Variants in ANKFN1 observed in about 807,000 individuals in gnomAD.
ANKFN1 encodes ankyrin repeat and fibronectin type III domain containing 1.
In ANKFN1, 74 loss-of-function variants were observed where a neutral mutation model predicts 108.7. That is an observed-to-expected ratio of 0.68 (90% CI 0.56 to 0.83). The LOEUF is 0.83. Ranked by LOEUF, ANKFN1 falls within the 40% of genes least tolerant of loss-of-function variation. The pLI is 0.00. For missense variants in ANKFN1, 1,505 were observed against 1,382.3 expected, an observed-to-expected ratio of 1.09 and a Z score of -1.41; for synonymous variants, 547 against 516.2, an observed-to-expected ratio of 1.06 and a Z score of -0.81.
At position 56,046,814 on chromosome 17, in the gene ANKFN1, T is replaced by A. The variant is rs567519808; in HGVS notation, c.288+489T>A. The stretch of plus-strand genomic sequence containing the variant: ...CTGTAATAAACAGCACCAAATCCAA[T>A]ATGATTTAACCTCTCAGTTGTCAAT... On this transcript the variant is annotated intron_variant, in intron 4 of 12. Coordinates refer to the ANKFN1 transcript ENST00000635860. Among the ~76,000 whole-genome samples, 31 of 152,268 alleles carry A rather than the reference T, an allele frequency of 2.0e-4. 1 individual carries two copies. In the Middle Eastern group the frequency reaches 0.017, roughly 84 times the overall value.
At chr17:56,481,489 A>AACACAAACAC (rs2050699360) in intron 17 of ANKFN1, among the ~76,000 whole-genome samples, 1 of 148,954 alleles carries the variant, frequency 6.7e-6, no homozygotes, top group Admixed American at 6.7e-5. Context: ...CCCTCCCCAA[A>AACACAAACAC]ACACACACAC....
rs1048624145 is a variant in ANKFN1 at position 56,499,212 on chromosome 17, G to C, written c.2644+114G>C. 13 of 994,934 alleles carry C rather than the reference G, an allele frequency of 1.3e-5. 1 individual carries two copies. The Admixed American group carries it at 2.4e-4, about 18-fold the overall frequency. 61.6% of individuals were successfully genotyped at this position (994,934 alleles called of 1,614,324 possible). A position where few individuals can be genotyped will look rare whatever the true frequency, so the allele number is the denominator to read the frequency against. On this transcript the variant is annotated intron_variant, in intron 20 of 20. Coordinates refer to ENST00000682825, the MANE Select transcript of ANKFN1 (RefSeq NM_001370326.1). ...GTTCCAGAAAGTGGATGAAAACACT[G>C]CTCAGGGGTAAGAGTCTAACAGCAT...
chr17:56,400,082 T>A (rs1300871578), intron 8 of ANKFN1, among the ~76,000 whole-genome samples: 1 of 151,934 alleles, frequency 6.6e-6, no homozygotes, highest in African/African-American at 2.4e-5. Flanking sequence ...ATGACTTCTT[T>A]TCCTCTGGGT....
intron 8 of ANKFN1, among the ~76,000 whole-genome samples, chr17:56,407,929 A>ATT (rs2047969570): frequency 1.7e-5 from 2 of 120,058 alleles, no homozygotes; most frequent in Admixed American, 9.7e-5. Context: ...AATCTTTTTT[A>ATT]TCTTTTTTTT....
intron 15 of ANKFN1, chr17:56,472,731 A>C (rs2145326051): frequency 6.6e-6 from 1 of 152,364 alleles, no homozygotes; most frequent in Non-Finnish European, 1.5e-5. Context: ...GCCTGATAGC[A>C]GTACAAACAG....
chr17:56,401,928 T>C (rs1170351239), intron 8 of ANKFN1, among the ~76,000 whole-genome samples: 1 of 152,176 alleles, frequency 6.6e-6, no homozygotes, highest in Admixed American at 6.5e-5. Context: ...GTTGAATGTT[T>C]TTTCTGCATC....
At chr17:56,493,274 CAAAT>C (rs978889477) in intron 19 of ANKFN1, among the ~76,000 whole-genome samples, 1 of 151,744 alleles carries the variant, frequency 6.6e-6, no homozygotes, top group Non-Finnish European at 1.5e-5. Context: ...AACAAACAAA[CAAAT>C]AAGTTTTGTG....
At position 56,466,195 on chromosome 17, in the gene ANKFN1, A is replaced by G. The variant is rs189001581; in HGVS notation, c.1558-161A>G. 2.6e-4 allele frequency among the ~76,000 whole-genome samples: 39 copies of G among 152,074 alleles called. No homozygotes were observed. In the East Asian group the frequency reaches 7.2e-3, roughly 28 times the overall value. ...AGACCTTTGAGCTTCTGTGAAGTAC[A>G]TGTCTATGATGCCATATATTCTAGG... On this transcript the variant is annotated intron_variant, in intron 14 of 20. Coordinates refer to ENST00000682825, the MANE Select transcript of ANKFN1 (RefSeq NM_001370326.1).
At chr17:56,255,312 T>C (rs1315540092) in intron 3 of ANKFN1, among the ~76,000 whole-genome samples, 2 of 152,170 alleles carry the variant, frequency 1.3e-5, no homozygotes, top group African/African-American at 4.8e-5. Context: ...TCTCAGCTTT[T>C]CTCAGATTCC....
At chr17:56,299,218 G>A (rs908067523) in intron 3 of ANKFN1, among the ~76,000 whole-genome samples, 1 of 152,104 alleles carries the variant, frequency 6.6e-6, no homozygotes, top group Admixed American at 6.5e-5. Context: ...TTGTTGTGGT[G>A]GCTGATAGTA....
chr17:56,378,464 T>G (rs2047001287), intron 8 of ANKFN1, among the ~76,000 whole-genome samples: 2 of 152,162 alleles, frequency 1.3e-5, no homozygotes. Flanking sequence ...TCCTACACCT[T>G]GTAGTTGGGT....
intron 9 of ANKFN1, among the ~76,000 whole-genome samples, chr17:56,442,441 T>C (rs1476024157): frequency 6.6e-6 from 1 of 152,206 alleles, no homozygotes; most frequent in African/African-American, 2.4e-5. Flanking sequence ...GTGACAGCTA[T>C]TACCTATAGG....
intron 4 of ANKFN1, among the ~76,000 whole-genome samples, chr17:56,082,336 G>C (rs1905257305): frequency 6.6e-6 from 1 of 151,534 alleles, no homozygotes; most frequent in Non-Finnish European, 1.5e-5. Flanking sequence ...GCTTCTCCAA[G>C]TTTTGTCTGG....
At chr17:56,366,201 T>C (rs1283848449) in intron 6 of ANKFN1, among the ~76,000 whole-genome samples, 4 of 152,178 alleles carry the variant, frequency 2.6e-5, no homozygotes, top group Non-Finnish European at 4.4e-5. Flanking sequence ...AGGATAAGGA[T>C]ATAAAGAAAA....
intron 3 of ANKFN1, among the ~76,000 whole-genome samples, chr17:56,266,372 A>G (rs1416580705): frequency 6.6e-6 from 1 of 151,968 alleles, no homozygotes; most frequent in Non-Finnish European, 1.5e-5. Flanking sequence ...CTGCCCGTCC[A>G]TCTCCCTCCC....
intron 3 of ANKFN1, among the ~76,000 whole-genome samples, chr17:56,276,262 A>C (rs1378691817): frequency 6.6e-6 from 1 of 152,136 alleles, no homozygotes. Flanking sequence ...TTTATCATTG[A>C]TGGATATTTG....
Position 56,442,929 on chromosome 17 carries a change from T to C in ANKFN1, c.1095T>C (p.Pro365=). The change falls in exon 10 of 21, where the codon CCT becomes CCC. Residue 365 remains proline (P), a synonymous_variant. Coordinates refer to ENST00000682825, the MANE Select transcript of ANKFN1 (RefSeq NM_001370326.1). ...CCACGACACCGGCATGTGCCTCTCC[T>C]TCTAGTAGGTGGTGGCTGTGAACTC... The part of the protein sequence containing the change: ...AQTTTPACAS[P]SNWKDYDDRE... The C allele has an allele frequency of 6.2e-7, 1 of 1,613,554 alleles. No homozygotes were observed. The highest frequency in any genetic ancestry group is 1.1e-5 in the South Asian group (1 of 91,030).
intron 9 of ANKFN1, among the ~76,000 whole-genome samples, chr17:56,441,336 C>T (rs181421833): frequency 2.0e-5 from 3 of 151,884 alleles, no homozygotes; most frequent in Admixed American, 2.0e-4. Context: ...AAAGTATAAT[C>T]CTAAAGCCCA....
At chr17:56,480,863 G>A (rs2145367132) in intron 17 of ANKFN1, 45 bp downstream of exon 17, 1 of 1,586,736 alleles carries the variant, frequency 6.3e-7, no homozygotes, top group South Asian at 1.1e-5. Context: ...ATGGCTCATG[G>A]AAACTGCATT....
Sources: gnomAD v4.1 joint callset for allele counts (sites outside exome capture counted in the v4.1 genomes callset) on GRCh38, gnomAD v4.1.1 for gene constraint, MANE v1.5 for transcripts, NCBI Gene and HGNC (gene_info 2026-07-23, HGNC 2026-07-21) for gene names.